The following NYAP2 variants were observed in gnomAD, a reference collection of about 807,000 sequenced individuals.
NYAP2 encodes neuronal tyrosine-phosphorylated phosphoinositide-3-kinase adaptor 2.
In NYAP2, 23 loss-of-function variants were observed where a neutral mutation model predicts 50.4. That is an observed-to-expected ratio of 0.46 (90% CI 0.33 to 0.65). The LOEUF (loss-of-function observed/expected upper bound fraction) is 0.65. Ranked by LOEUF, NYAP2 falls within the 30% of genes least tolerant of loss-of-function variation. The probability of loss-of-function intolerance (pLI) is 0.02; values close to 1 mark genes in which losing one functional copy is unlikely to be tolerated. For missense variants in NYAP2, 885 were observed against 861.0 expected (o/e 1.03, Z -0.35); for synonymous variants, 394 against 365.2 (o/e 1.08, Z -0.90).
the NYAP2 span, among the ~76,000 whole-genome samples, chr2:225,666,876 GAGGAC>G: frequency 0.024 from 3,199 of 133,548 alleles, 144 homozygotes; most frequent in African/African-American, 0.093. Context: ...CACACACACA[GAGGAC>G]AGCTTTGCAG....
chr2:225,509,400 C>T (rs1053979423), intron 3 of NYAP2, among the ~76,000 whole-genome samples: 43 of 152,276 alleles, frequency 2.8e-4, no homozygotes, highest in African/African-American at 1.0e-3. Flanking sequence ...GGCAATGACA[C>T]TTCTGTTTTG....
intron 5 of NYAP2, among the ~76,000 whole-genome samples, chr2:225,593,451 C>G (rs1259851446): frequency 6.6e-6 from 1 of 152,178 alleles, no homozygotes; most frequent in Non-Finnish European, 1.5e-5. Flanking sequence ...TTCTCCCTTG[C>G]TGAAAGGACT....
chr2:225,613,818 A>G (rs1692940212), intron 5 of NYAP2, among the ~76,000 whole-genome samples: 1 of 152,150 alleles, frequency 6.6e-6, no homozygotes, highest in South Asian at 2.1e-4. Context: ...GTCCACTGTG[A>G]TTTGATTGGG....
intron 6 of NYAP2, among the ~76,000 whole-genome samples, chr2:225,643,812 A>T: frequency 6.6e-6 from 1 of 151,474 alleles, no homozygotes; most frequent in Non-Finnish European, 1.5e-5. Flanking sequence ...CATGGTGTAT[A>T]TGTGCCACAT....
chr2:225,679,496 T>G, the NYAP2 span, among the ~76,000 whole-genome samples: 1 of 140,036 alleles, frequency 7.1e-6, no homozygotes, highest in Non-Finnish European at 1.5e-5. Context: ...TCTAATTGTT[T>G]TTTTTTTTTT....
At chr2:225,523,981 G>A (rs532441007) in intron 4 of NYAP2, among the ~76,000 whole-genome samples, 1 of 152,244 alleles carries the variant, frequency 6.6e-6, no homozygotes, top group African/African-American at 2.4e-5. Context: ...TAATGCTTCT[G>A]GGAAAATTGG....
chr2:225,605,547 A>G (rs986096005), intron 5 of NYAP2, among the ~76,000 whole-genome samples: 21 of 152,144 alleles, frequency 1.4e-4, no homozygotes, highest in Non-Finnish European at 2.6e-4. Context: ...AAAAATCAGA[A>G]TTTAATAACA....
the NYAP2 span, among the ~76,000 whole-genome samples, chr2:225,694,937 G>A: frequency 6.6e-6 from 1 of 151,278 alleles, no homozygotes; most frequent in Non-Finnish European, 1.5e-5. Context: ...ATATTATGGA[G>A]TAAGTCTGAA....
At chr2:225,572,066 T>A (rs2106222568) in intron 4 of NYAP2, among the ~76,000 whole-genome samples, 1 of 152,330 alleles carries the variant, frequency 6.6e-6, no homozygotes, top group South Asian at 2.1e-4. Context: ...GTTCCTCATC[T>A]CCAACTGAGA....
At chr2:225,432,871 G>A (rs1177701256) in intron 3 of NYAP2, among the ~76,000 whole-genome samples, 1 of 151,954 alleles carries the variant, frequency 6.6e-6, no homozygotes, top group Non-Finnish European at 1.5e-5. Flanking sequence ...TCTCCTTCTG[G>A]CATACATATT....
chr2:225,423,160 C>T lies in NYAP2; in HGVS notation c.221+14059C>T, dbSNP rs551903998. Reference sequence around the variant, plus strand: ...AGAGCATTTTGGATTGAGGTGAAAACACGAAGCCTCTGCAGTTATATGATT... The same window carrying T: ...AGAGCATTTTGGATTGAGGTGAAAATACGAAGCCTCTGCAGTTATATGATT... On this transcript the variant is annotated intron_variant, in intron 3 of 6. Coordinates refer to ENST00000636099, the Ensembl canonical transcript of NYAP2. Among the ~76,000 whole-genome samples, 24 of 152,172 alleles carry T rather than the reference C, an allele frequency of 1.6e-4. No homozygotes were observed. The South Asian group carries it at 2.9e-3, about 18-fold the overall frequency.
upstream of NYAP2, among the ~76,000 whole-genome samples, chr2:225,399,366 G>A (rs187259849): frequency 8.9e-4 from 136 of 152,004 alleles, no homozygotes; most frequent in Middle Eastern, 3.4e-3. Flanking sequence ...ACATATATAA[G>A]TTGTGGTATA....
intron 6 of NYAP2, among the ~76,000 whole-genome samples, chr2:225,635,360 T>C (rs558146313): frequency 7.9e-5 from 12 of 152,220 alleles, no homozygotes; most frequent in African/African-American, 2.9e-4. Context: ...AACACTGCTG[T>C]GACCCACTTT....
At chr2:225,548,889 T>G in intron 4 of NYAP2, among the ~76,000 whole-genome samples, 1 of 149,522 alleles carries the variant, frequency 6.7e-6, no homozygotes, top group South Asian at 2.1e-4. Context: ...TGCAGCAATT[T>G]TTTTTTTTTT....
chr2:225,473,272 T>C (rs1471781613), intron 3 of NYAP2, among the ~76,000 whole-genome samples: 3 of 152,228 alleles, frequency 2.0e-5, no homozygotes, highest in Non-Finnish European at 4.4e-5. Context: ...TAAACATACG[T>C]GTGCATGTGT....
In NYAP2 at chr2:225,477,231, C is replaced by CTTTTTTTTTTTTTT. The variant is rs11378712; in HGVS notation, c.222-36130_222-36117dup. Reference sequence around the variant, plus strand: ...TTAGCAGGTCTGAGAGTCTCTATTTCTTTTTTTTTTTTTTTTTTTTTTTGA... The same window carrying CTTTTTTTTTTTTTT: ...TTAGCAGGTCTGAGAGTCTCTATTTCTTTTTTTTTTTTTTTTTTTTTTTTTTTTTTTTTTTTTGA... On this transcript the variant is annotated intron_variant, in intron 3 of 6. Coordinates refer to ENST00000636099, the Ensembl canonical transcript of NYAP2. Among the ~76,000 whole-genome samples the CTTTTTTTTTTTTTT allele has an allele frequency of 9.1e-5, 8 of 87,472 alleles. 1 individual carries two copies. Among genetic ancestry groups the CTTTTTTTTTTTTTT allele is most frequent in the African/African-American group, 3.3e-4 (7 of 21,536 alleles). The allele number at this position is 87,472 out of a possible 152,430, so 57.4% of individuals were successfully genotyped here. A position where few individuals can be genotyped will look rare whatever the true frequency, so the allele number is the denominator to read the frequency against.
intron 2 of NYAP2, among the ~76,000 whole-genome samples, chr2:225,405,746 G>C (rs954024164): frequency 1.3e-5 from 2 of 151,874 alleles, no homozygotes; most frequent in Non-Finnish European, 2.9e-5. Context: ...GAGTTTCGTG[G>C]TCCATATGTC....
chr2:225,490,015 T>C, intron 3 of NYAP2, among the ~76,000 whole-genome samples: 1 of 152,212 alleles, frequency 6.6e-6, no homozygotes, highest in East Asian at 1.9e-4. Flanking sequence ...CTGTGAAAGG[T>C]TCTTAGATGT....
chr2:225,458,502 T>C (rs1048848133), intron 3 of NYAP2, among the ~76,000 whole-genome samples: 1 of 152,250 alleles, frequency 6.6e-6, no homozygotes, highest in Non-Finnish European at 1.5e-5. Context: ...TTTAATAGAC[T>C]ATAGCACAGG....
Sources: allele counts gnomAD v4.1 joint callset (sites outside exome capture counted in the v4.1 genomes callset), GRCh38; gene constraint gnomAD v4.1.1; transcripts MANE v1.5; gene names NCBI Gene and HGNC (gene_info 2026-07-23, HGNC 2026-07-21).